The following AGBL4 variants were observed in gnomAD, a reference collection of about 807,000 sequenced individuals.
AGBL4 encodes cytosolic carboxypeptidase 6.
In AGBL4, 58 loss-of-function variants were observed where a neutral mutation model predicts 66.4. That is an observed-to-expected ratio of 0.87 (90% CI 0.71 to 1.09). The LOEUF (loss-of-function observed/expected upper bound fraction) is 1.09. Ranked by LOEUF, AGBL4 falls within the 50% of genes least tolerant of loss-of-function variation. The pLI is 0.00. For missense variants in AGBL4, 579 were observed against 631.0 expected, an observed-to-expected ratio of 0.92 and a Z score of 0.88; for synonymous variants, 234 against 222.9, an observed-to-expected ratio of 1.05 and a Z score of -0.44.
intron 6 of AGBL4, among the ~76,000 whole-genome samples, chr1:48,756,327 T>C (rs939419536): frequency 1.3e-5 from 2 of 152,236 alleles, no homozygotes; most frequent in African/African-American, 4.8e-5. Flanking sequence ...TCCCCTCTGC[T>C]GTCCCACAGT....
At chr1:49,804,292 T>A (rs1228075286) in intron 2 of AGBL4, among the ~76,000 whole-genome samples, 1 of 152,218 alleles carries the variant, frequency 6.6e-6, no homozygotes, top group Non-Finnish European at 1.5e-5. Context: ...GGACCTTTTT[T>A]TAGCTCATTA....
chr1:48,991,877 T>C (rs370800240), intron 5 of AGBL4, among the ~76,000 whole-genome samples: 31 of 152,292 alleles, frequency 2.0e-4, no homozygotes, highest in African/African-American at 7.5e-4. Flanking sequence ...ATTTATAGAA[T>C]TCTTAATTCC....
At chr1:49,933,305 C>A (rs1322682742) in intron 1 of AGBL4, among the ~76,000 whole-genome samples, 2 of 152,046 alleles carry the variant, frequency 1.3e-5, no homozygotes, top group Non-Finnish European at 2.9e-5. Flanking sequence ...AGAATACTAT[C>A]CCCAGCATAA....
Position 48,634,480 on chromosome 1 carries a change from T to A in AGBL4, c.951+13A>T. 6.3e-7 allele frequency: 1 copy of A among 1,575,482 alleles called. No individual in the cohort carries two copies. Among genetic ancestry groups the A allele is most frequent in the Non-Finnish European group, 8.6e-7 (1 of 1,156,920 alleles). On this transcript the variant is annotated intron_variant, in intron 9 of 13. Coordinates refer to ENST00000371839, the MANE Select transcript of AGBL4 (RefSeq NM_032785.4). ...CATAGATCAGCAGCTGTGGAGGGCA[T>A]TCAGTTACTTACTGGGTCGTTGTAC... is the stretch of plus-strand genomic sequence containing the variant.
intron 4 of AGBL4, among the ~76,000 whole-genome samples, chr1:49,058,999 C>T (rs946254634): frequency 1.3e-5 from 2 of 152,042 alleles, no homozygotes; most frequent in African/African-American, 2.4e-5. Flanking sequence ...CCTAATGATG[C>T]AATAAAAAAA....
intron 3 of AGBL4, among the ~76,000 whole-genome samples, chr1:49,677,928 G>T (rs1225389760): frequency 6.6e-6 from 1 of 152,120 alleles, no homozygotes; most frequent in Non-Finnish European, 1.5e-5. Context: ...CCATTCTCCA[G>T]AAGTGTAAGA....
At position 49,480,457 on chromosome 1, in the gene AGBL4, G is replaced by C. The variant is rs561035013; in HGVS notation, c.282+216856C>G. Among the ~76,000 whole-genome samples, 3 of 151,138 alleles carry C rather than the reference G, an allele frequency of 2.0e-5. No individual in the cohort carries two copies. The East Asian group carries it at 5.8e-4, about 29-fold the overall frequency. ...CTTCTTTTGAGAAGTATCTGTTCAT[G>C]TCCTTTGCCCACTTTTTAATGGAGT... is the stretch of plus-strand genomic sequence containing the variant. On this transcript the variant is annotated intron_variant, in intron 3 of 13. Coordinates refer to ENST00000371839, the MANE Select transcript of AGBL4 (RefSeq NM_032785.4).
intron 1 of AGBL4, among the ~76,000 whole-genome samples, chr1:49,976,346 T>C (rs1486035358): frequency 1.3e-5 from 2 of 152,140 alleles, no homozygotes; most frequent in African/African-American, 4.8e-5. Context: ...ATTAATGGCT[T>C]CCCTGTACCC....
intron 3 of AGBL4, among the ~76,000 whole-genome samples, chr1:49,532,028 AT>A (rs1640157939): frequency 6.6e-6 from 1 of 152,078 alleles, no homozygotes; most frequent in South Asian, 2.1e-4. Flanking sequence ...CAAAGCCACC[AT>A]CTGTAGAATG....
chr1:49,458,101 A>G (rs1646431082), intron 3 of AGBL4, among the ~76,000 whole-genome samples: 1 of 151,676 alleles, frequency 6.6e-6, no homozygotes, highest in Non-Finnish European at 1.5e-5. Flanking sequence ...TGATGGTAGA[A>G]TTTTGATGGA....
chr1:48,883,855 T>C (rs144057648), intron 5 of AGBL4, among the ~76,000 whole-genome samples: 1 of 152,334 alleles, frequency 6.6e-6, no homozygotes, highest in Non-Finnish European at 1.5e-5. Flanking sequence ...AGTTGCTGGG[T>C]ATTCCAGTCC....
intron 3 of AGBL4, among the ~76,000 whole-genome samples, chr1:49,551,888 C>T (rs947658315): frequency 2.0e-5 from 3 of 152,124 alleles, no homozygotes; most frequent in African/African-American, 7.2e-5. Context: ...CTTTAGTTAC[C>T]AGGTGGGGCA....
intron 4 of AGBL4, among the ~76,000 whole-genome samples, chr1:49,096,069 C>A (rs1437773520): frequency 6.6e-6 from 1 of 151,662 alleles, no homozygotes; most frequent in Non-Finnish European, 1.5e-5. Context: ...ATTTATGCAG[C>A]CAACAGACAC....
At chr1:48,577,758 G>A (rs1054857059) in intron 11 of AGBL4, among the ~76,000 whole-genome samples, 1 of 152,100 alleles carries the variant, frequency 6.6e-6, no homozygotes, top group African/African-American at 2.4e-5. Context: ...ATTGCAAATC[G>A]GTCAAACTAG....
rs142801717 is a variant in AGBL4 at position 48,859,294 on chromosome 1, G to A, written c.634+7897C>T. The stretch of plus-strand genomic sequence containing the variant: ...TTGGAATCTGGTCATTGCATACATT[G>A]AGCAGATCAGAAGTGTCAGGGAATC... On this transcript the variant is annotated intron_variant, in intron 6 of 13. Coordinates refer to ENST00000371839, the MANE Select transcript of AGBL4 (RefSeq NM_032785.4). 2.3e-3 allele frequency among the ~76,000 whole-genome samples: 355 copies of A among 152,206 alleles called. 4 individuals carry two copies. In the East Asian group the frequency reaches 0.035, roughly 15 times the overall value.
At chr1:49,382,413 G>A (rs1433977634) in intron 3 of AGBL4, among the ~76,000 whole-genome samples, 2 of 151,744 alleles carry the variant, frequency 1.3e-5, no homozygotes, top group African/African-American at 2.4e-5. Flanking sequence ...GAAACTACAC[G>A]ATCAATTCAG....
At chr1:49,235,952 G>C (rs993695888) in intron 4 of AGBL4, among the ~76,000 whole-genome samples, 1 of 151,952 alleles carries the variant, frequency 6.6e-6, no homozygotes, top group Non-Finnish European at 1.5e-5. Context: ...CCTATTTCTA[G>C]TTGAACATGT....
chr1:48,585,289 C>T (rs1026285291), intron 11 of AGBL4: 1 of 152,204 alleles, frequency 6.6e-6, no homozygotes, highest in East Asian at 1.9e-4. Flanking sequence ...TGGAGGGACC[C>T]TCATCTCACT....
At chr1:49,868,966 G>A (rs1038652890) in intron 1 of AGBL4, among the ~76,000 whole-genome samples, 4 of 151,792 alleles carry the variant, frequency 2.6e-5, no homozygotes, top group African/African-American at 9.7e-5. Flanking sequence ...CACTTCTCAA[G>A]ACATTTATGT....
Sources: allele counts gnomAD v4.1 joint callset (sites outside exome capture counted in the v4.1 genomes callset), GRCh38; gene constraint gnomAD v4.1.1; transcripts MANE v1.5; gene names NCBI Gene and HGNC (gene_info 2026-07-23, HGNC 2026-07-21).